The following IARS1 variants were observed in gnomAD, a reference collection of about 807,000 sequenced individuals.
IARS1 encodes the protein isoleucyl-tRNA synthetase 1.
In IARS1, 124 loss-of-function variants were observed where a neutral mutation model predicts 168.2. That is an observed-to-expected ratio of 0.74 (90% confidence interval 0.64 to 0.86). The LOEUF (loss-of-function observed/expected upper bound fraction) is 0.86, where lower values mean the gene tolerates loss of function less well. IARS1 is among the 40% of genes least tolerant of loss of function. IARS1 has a pLI of 0.00. For synonymous variants in IARS1, 532 were observed against 529.4 expected (o/e 1.00, Z -0.07); for missense variants, 1,452 against 1,515.8 (o/e 0.96, Z 0.70).
intron 30 of IARS1, among the ~76,000 whole-genome samples, chr9:92,229,384 C>A (rs1337850114): frequency 2.7e-5 from 4 of 149,782 alleles, no homozygotes; most frequent in Non-Finnish European, 6.0e-5. Context: ...CACACACACA[C>A]ACACATCTCC....
chr9:92,265,678 A>T lies in IARS1; in HGVS notation c.1432-125T>A, dbSNP rs1832189875. 9 of 783,020 alleles carry T rather than the reference A, an allele frequency of 1.1e-5. No homozygotes were observed. In the South Asian group the frequency reaches 1.4e-4, roughly 12 times the overall value. 48.5% of individuals were successfully genotyped at this position (783,020 alleles called of 1,614,324 possible). ...ATTTTCTTTTTCCTTTTTTTTTGAG[A>T]TAGGGTCTCACTACCATTGCCCAGG... is the stretch of plus-strand genomic sequence containing the variant. On this transcript the variant is annotated intron_variant, in intron 14 of 33. Coordinates refer to ENST00000443024, the MANE Select transcript of IARS1 (RefSeq NM_002161.6).
At position 92,289,410 on chromosome 9, in the gene IARS1, G is replaced by T. The variant is rs147022743; in HGVS notation, c.10C>A (p.Gln4Lys). MLQQVPENINFPAE... is the reference protein window; with the variant it reads MLQKVPENINFPAE... ...GGAAAATTTATGTTTTCTGGAACTT[G>T]TTGAAGCATTTTGTTGCTGCAAAAG... is the stretch of plus-strand genomic sequence containing the variant. Residue 4 changes from glutamine to lysine, a missense_variant, in exon 2 of 34, where the codon CAA (glutamine) becomes AAA (lysine). Transcript: ENST00000443024. The T allele has an allele frequency of 3.0e-4, 452 of 1,500,542 alleles. No individual in the cohort carries two copies. Among genetic ancestry groups the T allele is most frequent in the Middle Eastern group, 8.6e-4 (5 of 5,832 alleles). 93.0% of individuals were successfully genotyped at this position (1,500,542 alleles called of 1,614,324 possible). A position where few individuals can be genotyped will look rare whatever the true frequency, so the allele number is the denominator to read the frequency against.
intron 26 of IARS1, 149 bp from the exon 27 acceptor site, chr9:92,245,220 G>A: frequency 1.6e-6 from 1 of 638,006 alleles, no homozygotes. Flanking sequence ...CTCATGTCAT[G>A]GTTGTAGCCA....
At chr9:92,229,242 CCAA>C in intron 30 of IARS1, 116 bp from the exon 31 acceptor site, 1 of 904,476 alleles carries the variant, frequency 1.1e-6, no homozygotes, top group Non-Finnish European at 1.7e-6. Context: ...TCCTTTTCCC[CCAA>C]CTATACACTA....
intron 10 of IARS1, among the ~76,000 whole-genome samples, chr9:92,273,274 TAAG>T (rs1833349530): frequency 6.6e-6 from 1 of 152,224 alleles, no homozygotes; most frequent in Non-Finnish European, 1.5e-5. Flanking sequence ...CTAAAACTCT[TAAG>T]TAGTATTATC....
chr9:92,276,718 G>T (rs1394549892), intron 9 of IARS1, among the ~76,000 whole-genome samples: 1 of 152,140 alleles, frequency 6.6e-6, no homozygotes, highest in Non-Finnish European at 1.5e-5. Flanking sequence ...ATGTCCAGTT[G>T]ATTATTATTT....
intron 6 of IARS1, among the ~76,000 whole-genome samples, chr9:92,283,557 T>C (rs919488229): frequency 8.5e-5 from 13 of 152,102 alleles, no homozygotes; most frequent in African/African-American, 2.9e-4. Flanking sequence ...GGCAGGAGAA[T>C]TGCTTGAACC....
intron 27 of IARS1, among the ~76,000 whole-genome samples, chr9:92,244,720 T>G (rs1005090227): frequency 6.6e-6 from 1 of 152,196 alleles, no homozygotes; most frequent in Admixed American, 6.5e-5. Context: ...AACCCCACAC[T>G]TGGGACAATG....
chr9:92,228,910 A>C, intron 31 of IARS1, 91 bp downstream of exon 31: 2 of 1,488,370 alleles, frequency 1.3e-6, no homozygotes, highest in Non-Finnish European at 1.8e-6. Flanking sequence ...GGAAAAATGC[A>C]AAAGTTGTAT....
At chr9:92,252,369 T>C in intron 21 of IARS1, 1 of 516,274 alleles carries the variant, frequency 1.9e-6, no homozygotes, top group South Asian at 1.4e-5. Context: ...AGACAACTAC[T>C]GTAAGCATCT....
chr9:92,234,015 C>G (rs573813202), intron 30 of IARS1, among the ~76,000 whole-genome samples: 3 of 152,210 alleles, frequency 2.0e-5, no homozygotes, highest in Non-Finnish European at 4.4e-5. Context: ...CCTGCCTAAG[C>G]CTCCCAAAAT....
At chr9:92,214,711 G>C (rs1838338953) in intron 33 of IARS1, among the ~76,000 whole-genome samples, 1 of 152,214 alleles carries the variant, frequency 6.6e-6, no homozygotes, top group African/African-American at 2.4e-5. Flanking sequence ...GCGCTTTTCC[G>C]ATGGGCTTAA....
At chr9:92,211,441 G>C (rs1375260654) in intron 33 of IARS1, among the ~76,000 whole-genome samples, 1 of 152,152 alleles carries the variant, frequency 6.6e-6, no homozygotes, top group African/African-American at 2.4e-5. Flanking sequence ...TAGTGAGTCT[G>C]AGTCCTCCTA....
At chr9:92,281,905 G>C (rs1834631529) in intron 6 of IARS1, among the ~76,000 whole-genome samples, 1 of 152,132 alleles carries the variant, frequency 6.6e-6, no homozygotes, top group African/African-American at 2.4e-5. Context: ...AGCTCTTTAA[G>C]ATTAAAGAAG....
intron 17 of IARS1, among the ~76,000 whole-genome samples, chr9:92,260,872 T>C (rs1831426942): frequency 6.6e-6 from 1 of 152,212 alleles, no homozygotes; most frequent in African/African-American, 2.4e-5. Flanking sequence ...TGCCAAATGT[T>C]AGAAGCAACC....
At chr9:92,289,193 C>T (rs548341102) in intron 2 of IARS1, 108 bp downstream of exon 2, 24 of 528,072 alleles carry the variant, frequency 4.5e-5, no homozygotes, top group African/African-American at 3.6e-4. Context: ...GATGACAGTG[C>T]GAGACTCCAT....
At chr9:92,257,350 GATA>G (rs1399369588) in intron 19 of IARS1, among the ~76,000 whole-genome samples, 1 of 152,246 alleles carries the variant, frequency 6.6e-6, no homozygotes, top group African/African-American at 2.4e-5. Flanking sequence ...GCGGGGCAGT[GATA>G]ATGTGACTCT....
chr9:92,251,139 C>A (rs1412339949), intron 22 of IARS1: 1 of 475,278 alleles, frequency 2.1e-6, no homozygotes, highest in Admixed American at 2.3e-5. Flanking sequence ...CTGTCCCACA[C>A]CTCAGAAACC....
intron 29 of IARS1, among the ~76,000 whole-genome samples, chr9:92,241,638 A>T (rs1234834060): frequency 6.6e-6 from 1 of 152,172 alleles, no homozygotes; most frequent in African/African-American, 2.4e-5. Context: ...CACTGTGCCC[A>T]GTCTAAATGA....
Sources: allele counts gnomAD v4.1 joint callset (sites outside exome capture counted in the v4.1 genomes callset), GRCh38; gene constraint gnomAD v4.1.1; transcripts MANE v1.5; gene names NCBI Gene and HGNC (gene_info 2026-07-23, HGNC 2026-07-21).